SYT1: variants seen among roughly 807,000 people sequenced by gnomAD.
SYT1 encodes synaptotagmin-1.
SYT1 carries 8 observed loss-of-function variants against 44.8 expected under a neutral mutation model. That is an observed-to-expected ratio of 0.18 (90% CI 0.10 to 0.32). The LOEUF (loss-of-function observed/expected upper bound fraction) is 0.32, where lower values mean the gene tolerates loss of function less well. Ranked by LOEUF, SYT1 falls within the 10% of genes least tolerant of loss-of-function variation. The pLI, the probability that SYT1 is intolerant of heterozygous loss-of-function variation, is 1.00. For missense variants in SYT1, 286 were observed against 509.3 expected (o/e 0.56, Z 4.22); for synonymous variants, 154 against 188.8 (o/e 0.82, Z 1.51).
In SYT1 at chr12:78,934,794, A is replaced by C. The variant is rs1052267491; in HGVS notation, c.-216-43005A>C. Among the ~76,000 whole-genome samples, 13 of 152,338 alleles carry C rather than the reference A, an allele frequency of 8.5e-5. 1 individual carries two copies. The Middle Eastern group carries it at 0.014, about 159-fold the overall frequency. ...AGGCTCTCTCTAAAGAATGTGGCAT[A>C]TAATTTTTGTCTTTAGAAAGTATTA... On this transcript the variant is annotated intron_variant, in intron 1 of 10. Coordinates refer to ENST00000261205, the MANE Select transcript of SYT1 (RefSeq NM_005639.3).
intron 3 of SYT1, among the ~76,000 whole-genome samples, chr12:79,070,140 C>A (rs1420258469): frequency 6.6e-6 from 1 of 152,030 alleles, no homozygotes; most frequent in Non-Finnish European, 1.5e-5. Flanking sequence ...GTTTATATAA[C>A]CGTAGTGGAT....
chr12:79,223,637 C>T (rs993564564), intron 4 of SYT1, among the ~76,000 whole-genome samples: 1 of 152,166 alleles, frequency 6.6e-6, no homozygotes, highest in African/African-American at 2.4e-5. Context: ...AGCCAAGGGC[C>T]ACTAATGCTG....
intron 9 of SYT1, among the ~76,000 whole-genome samples, chr12:79,368,152 A>AT (rs1401691371): frequency 4.0e-5 from 6 of 148,410 alleles, no homozygotes; most frequent in South Asian, 2.1e-4. Flanking sequence ...GCGGTGTTTG[A>AT]TTTTTTTTCC....
At chr12:79,017,071 T>C (rs1268162634) in intron 2 of SYT1, among the ~76,000 whole-genome samples, 2 of 152,114 alleles carry the variant, frequency 1.3e-5, no homozygotes, top group African/African-American at 2.4e-5. Flanking sequence ...GAGAAAAATA[T>C]AGTGACTCCC....
intron 9 of SYT1, among the ~76,000 whole-genome samples, chr12:79,425,574 A>G (rs1158385373): frequency 1.3e-5 from 2 of 152,154 alleles, no homozygotes; most frequent in Non-Finnish European, 2.9e-5. Context: ...CCTCACTAAT[A>G]TTCTTAGGCT....
At chr12:78,921,224 G>T (rs540118917) in intron 1 of SYT1, among the ~76,000 whole-genome samples, 1 of 151,866 alleles carries the variant, frequency 6.6e-6, no homozygotes, top group Non-Finnish European at 1.5e-5. Flanking sequence ...ATACTTTAGA[G>T]TAGAAATTTT....
intron 8 of SYT1, among the ~76,000 whole-genome samples, chr12:79,310,790 G>T (rs1427611434): frequency 1.3e-5 from 2 of 152,298 alleles, no homozygotes; most frequent in Admixed American, 1.3e-4. Context: ...GTGAATGGGA[G>T]TTCACTCATA....
intron 8 of SYT1, among the ~76,000 whole-genome samples, chr12:79,336,536 C>T (rs546830658): frequency 5.3e-4 from 80 of 152,066 alleles, no homozygotes; most frequent in African/African-American, 1.9e-3. Flanking sequence ...TTAAGTGTCC[C>T]ATTTGCATTT....
chr12:79,069,476 T>A (rs1218146596), intron 3 of SYT1, among the ~76,000 whole-genome samples: 1 of 152,024 alleles, frequency 6.6e-6, no homozygotes, highest in Non-Finnish European at 1.5e-5. Context: ...TACATGTTTC[T>A]ATTTTTTTTC....
intron 3 of SYT1, among the ~76,000 whole-genome samples, chr12:79,205,539 C>A (rs1405736998): frequency 6.6e-6 from 1 of 152,046 alleles, no homozygotes; most frequent in African/African-American, 2.4e-5. Context: ...TTAATGAATA[C>A]GTTTTTAGTT....
At position 79,179,153 on chromosome 12, in the gene SYT1, TAG is replaced by T. The variant is rs1285016928; in HGVS notation, c.-17-38348_-17-38347del. Reference sequence around the variant, plus strand: ...ATATATAGATATAGATATAGATATATAGATATATAGATATAGATATAGATATA... The same window carrying T: ...ATATATAGATATAGATATAGATATATATATATAGATATAGATATAGATATA... On this transcript the variant is annotated intron_variant, in intron 3 of 10. Transcript: ENST00000261205. Among the ~76,000 whole-genome samples the T allele has an allele frequency of 7.0e-4, 60 of 85,524 alleles. 1 individual carries two copies. The highest frequency in any genetic ancestry group is 1.6e-3 in the African/African-American group (42 of 26,084). The allele number at this position is 85,524 out of a possible 152,430, so 56.1% of individuals were successfully genotyped here.
chr12:79,363,722 G>A (rs537522163), intron 9 of SYT1, among the ~76,000 whole-genome samples: 27 of 149,530 alleles, frequency 1.8e-4, no homozygotes, highest in Admixed American at 1.0e-3. Context: ...GTGACAAAGC[G>A]TGTCCCTGTC....
At chr12:79,169,239 G>C (rs1016180850) in intron 3 of SYT1, among the ~76,000 whole-genome samples, 3 of 151,922 alleles carry the variant, frequency 2.0e-5, no homozygotes, top group Admixed American at 2.0e-4. Flanking sequence ...ATTCACAGAA[G>C]AATAGTTAGC....
intron 8 of SYT1, among the ~76,000 whole-genome samples, chr12:79,328,693 A>G (rs977842034): frequency 3.9e-5 from 6 of 152,208 alleles, no homozygotes; most frequent in Non-Finnish European, 8.8e-5. Context: ...AAAAATACAA[A>G]AAATTAGCCG....
intron 3 of SYT1, among the ~76,000 whole-genome samples, chr12:79,179,325 T>TAGATATAGATATATCCATATGTCTATATC (rs1872251763): frequency 2.0e-5 from 1 of 50,570 alleles, no homozygotes; most frequent in African/African-American, 8.4e-5. Context: ...GATATAGATA[T>TAGATATAGATATATCCATATGTCTATATC]AGATATAGAT....
Position 79,233,401 on chromosome 12 carries a change from G to C in SYT1, c.166+15716G>C, listed in dbSNP as rs574661717. On this transcript the variant is annotated intron_variant, in intron 4 of 10. Transcript: ENST00000261205. The stretch of plus-strand genomic sequence containing the variant: ...TGTTACAGTGGCTTTTCCTCCAGTG[G>C]GTACTTGTGTGAGGTTTGCTTTGCT... Among the ~76,000 whole-genome samples the C allele has an allele frequency of 5.3e-5, 8 of 152,310 alleles. No homozygotes were observed. The South Asian group carries it at 1.7e-3, about 32-fold the overall frequency.
At chr12:79,092,847 C>T (rs1877871800) in intron 3 of SYT1, among the ~76,000 whole-genome samples, 1 of 151,714 alleles carries the variant, frequency 6.6e-6, no homozygotes, top group South Asian at 2.1e-4. Flanking sequence ...ATGACAAAAA[C>T]TTACAATAGC....
chr12:79,303,201 TATA>T (rs1880230204), intron 8 of SYT1, among the ~76,000 whole-genome samples: 1 of 152,210 alleles, frequency 6.6e-6, no homozygotes, highest in South Asian at 2.1e-4. Flanking sequence ...TTTCCCTTCT[TATA>T]AATTTCACTT....
chr12:78,977,125 G>A lies in SYT1; in HGVS notation c.-216-674G>A, dbSNP rs975591126. Among the ~76,000 whole-genome samples the A allele has an allele frequency of 4.1e-5, 6 of 145,012 alleles. No individual in the cohort carries two copies. In the East Asian group the frequency reaches 8.1e-4, roughly 19 times the overall value. ...AGAGAAAAAAATGTAAAAGAAAGGC[G>A]AAGGAAGGGAACCCGAAAGGGCAAA... On this transcript the variant is annotated intron_variant, in intron 1 of 10. Transcript: ENST00000261205.
Sources: allele counts gnomAD v4.1 joint callset (sites outside exome capture counted in the v4.1 genomes callset), GRCh38; gene constraint gnomAD v4.1.1; transcripts MANE v1.5; gene names NCBI Gene and HGNC (gene_info 2026-07-23, HGNC 2026-07-21).